The following CCNE2 variants were observed in gnomAD, a reference collection of about 807,000 sequenced individuals.
CCNE2 encodes cyclin E2.
CCNE2 carries 18 observed loss-of-function variants against 56.8 expected under a neutral mutation model. The ratio of observed to expected loss-of-function variants is 0.32; its 90% CI spans 0.22 to 0.47. CCNE2 has a LOEUF of 0.47. Among genes scored for constraint, CCNE2 ranks in the 20% least tolerant of loss-of-function variants. The pLI is 1.00. For missense variants in CCNE2, 371 were observed against 467.1 expected (o/e 0.79, Z 1.90); for synonymous variants, 139 against 149.2 (o/e 0.93, Z 0.50).
intron 4 of CCNE2, 38 bp from the exon 5 acceptor site, chr8:94,893,007 G>A: frequency 6.7e-7 from 1 of 1,495,190 alleles, no homozygotes; most frequent in Non-Finnish European, 8.9e-7. Context: ...ATTTGTGCAA[G>A]GAAAACCTTA....
intron 7 of CCNE2, among the ~76,000 whole-genome samples, chr8:94,887,225 G>T (rs1817069876): frequency 6.6e-6 from 1 of 152,200 alleles, no homozygotes; most frequent in African/African-American, 2.4e-5. Context: ...TATTAGGCTG[G>T]CCGGGTGCGG....
intron 1 of CCNE2, 142 bp from the exon 2 acceptor site, chr8:94,894,389 A>G (rs931939058): frequency 4.2e-6 from 3 of 712,676 alleles, no homozygotes; most frequent in African/African-American, 3.5e-5. Context: ...CTTCTGTGCT[A>G]TGTTAGCTAG....
intron 1 of CCNE2, 101 bp downstream of exon 1, chr8:94,895,076 C>T (rs1404786652): frequency 1.6e-6 from 1 of 615,104 alleles, no homozygotes; most frequent in African/African-American, 2.0e-5. Flanking sequence ...AGTTCTCAGC[C>T]CTCCCGATTT....
rs1406540663 is a variant in CCNE2 at position 94,885,275 on chromosome 8, G to T, written c.697-74C>A. On this transcript the variant is annotated intron_variant, in intron 8 of 11. Transcript: ENST00000308108. ...ACCACATTATACAGCAGAGCTTAGA[G>T]GTTAAGTACATTCCCCATCCAACCA... is the stretch of plus-strand genomic sequence containing the variant. 2.9e-6 allele frequency: 4 copies of T among 1,389,930 alleles called. No individual in the cohort carries two copies. In the Admixed American group the frequency reaches 5.3e-5, roughly 18 times the overall value. The allele number at this position is 1,389,930 out of a possible 1,614,324, so 86.1% of individuals were successfully genotyped here. A position where few individuals can be genotyped will look rare whatever the true frequency, so the allele number is the denominator to read the frequency against.
rs368485207 is a variant in CCNE2 at position 94,881,097 on chromosome 8, T to A, written c.*535A>T. The A allele has an allele frequency of 1.3e-5, 5 of 397,260 alleles. No homozygotes were observed. The highest frequency in any genetic ancestry group is 1.4e-4 in the South Asian group (1 of 7,186). 24.6% of individuals were successfully genotyped at this position (397,260 alleles called of 1,614,324 possible). A position where few individuals can be genotyped will look rare whatever the true frequency, so the allele number is the denominator to read the frequency against. On this transcript the variant is annotated 3_prime_UTR_variant, in exon 12 of 12. Coordinates refer to ENST00000308108, the MANE Select transcript of CCNE2 (RefSeq NM_057749.3). ...GTAGAAATTCAAGTTTTATAATAGC[T>A]TGCTATAGCAGCTATAGATAAATTA...
chr8:94,890,565 GA>G lies in CCNE2; in HGVS notation c.318-16del, dbSNP rs770729021. 7 of 1,243,980 alleles carry G rather than the reference GA, an allele frequency of 5.6e-6. No homozygotes were observed. Among genetic ancestry groups the G allele is most frequent in the South Asian group, 4.6e-5 (3 of 65,474 alleles). The allele number at this position is 1,243,980 out of a possible 1,614,324, so 77.1% of individuals were successfully genotyped here. On this transcript the variant is annotated splice_polypyrimidine_tract_variant and intron_variant, in intron 5 of 11. Transcript: ENST00000308108. ...AACATCCCCAGCTATGGAAAGAGAG[GA>G]AAAAAACCATATATATATATATATA...
chr8:94,883,693 C>A, intron 9 of CCNE2: 1 of 248,024 alleles, frequency 4.0e-6, no homozygotes, highest in Non-Finnish European at 8.6e-6. Context: ...AGAAAGATAC[C>A]TTAGAATGCA....
chr8:94,890,599 T>C, intron 5 of CCNE2, 49 bp from the exon 6 acceptor site: 1 of 600,980 alleles, frequency 1.7e-6, no homozygotes, highest in East Asian at 5.9e-5. Context: ...ATATTTTTTT[T>C]TTTTTTTTTT....
At chr8:94,885,690 T>C in intron 7 of CCNE2, 132 bp from the exon 8 acceptor site, 1 of 487,256 alleles carries the variant, frequency 2.1e-6, no homozygotes. Context: ...TTCATTTTCT[T>C]GGAGAAATAA....
upstream of CCNE2, among the ~76,000 whole-genome samples, chr8:94,896,285 A>G (rs1817557074): frequency 6.7e-6 from 1 of 148,154 alleles, no homozygotes. Context: ...CGCCGCCGCC[A>G]GCGCGCCCTG....
intron 6 of CCNE2, 96 bp downstream of exon 6, chr8:94,890,319 A>G: frequency 9.8e-7 from 1 of 1,022,988 alleles, no homozygotes; most frequent in East Asian, 3.0e-5. Context: ...CCTGGGGATG[A>G]ACAATAAACT....
At chr8:94,882,579 CTG>C (rs1269058681) in intron 10 of CCNE2, among the ~76,000 whole-genome samples, 200 bp downstream of exon 10, 2 of 152,190 alleles carry the variant, frequency 1.3e-5, no homozygotes, top group African/African-American at 2.4e-5. Flanking sequence ...TTCATTTCAA[CTG>C]TATTTAAATT....
chr8:94,885,568 G>T lies in CCNE2; in HGVS notation c.601-10C>A. 1 of 1,522,716 alleles carries T rather than the reference G, an allele frequency of 6.6e-7. No homozygotes were observed. The highest frequency in any genetic ancestry group is 1.2e-5 in the South Asian group (1 of 85,996). The allele number at this position is 1,522,716 out of a possible 1,614,324, so 94.3% of individuals were successfully genotyped here. On this transcript the variant is annotated splice_polypyrimidine_tract_variant and intron_variant, in intron 7 of 11. Transcript: ENST00000308108. ...TAGGAGCATAGATTTCCTTTAAATTGTAATATTTTTATTGAGTACAATTGA... is the reference window on the plus strand; with the variant it reads ...TAGGAGCATAGATTTCCTTTAAATTTTAATATTTTTATTGAGTACAATTGA...
At chr8:94,894,393 T>C (rs1817378582) in intron 1 of CCNE2, 146 bp from the exon 2 acceptor site, 3 of 697,738 alleles carry the variant, frequency 4.3e-6, no homozygotes, top group Non-Finnish European at 7.4e-6. Flanking sequence ...TGTGCTATGT[T>C]AGCTAGCTCA....
chr8:94,888,803 G>C (rs1473257374), intron 6 of CCNE2, among the ~76,000 whole-genome samples: 2 of 152,174 alleles, frequency 1.3e-5, no homozygotes, highest in African/African-American at 4.8e-5. Context: ...TGGCATTACA[G>C]GTATGAGCCA....
Position 94,882,182 on chromosome 8 carries a change from T to C in CCNE2, c.1051A>G (p.Met351Val), listed in dbSNP as rs1237414464. 3 of 1,613,464 alleles carry C rather than the reference T, an allele frequency of 1.9e-6. No individual in the cohort carries two copies. Among genetic ancestry groups the C allele is most frequent in the African/African-American group, 1.3e-5 (1 of 74,910 alleles). ...GTCTGGATATTATGTCTGTCTTCCATAGGAATCTTCTTAAAAGTCTTCAGC... is the reference window on the plus strand; with the variant it reads ...GTCTGGATATTATGTCTGTCTTCCACAGGAATCTTCTTAAAAGTCTTCAGC... ...VKLKTFKKIP[M>V]EDRHNIQTHT... is the part of the protein sequence containing the mutation. The change falls in exon 11 of 12, where the codon ATG becomes GTG. Residue 351 changes from methionine to valine, a missense_variant. Physicochemically the swap from Met to Val is conservative, Grantham distance 21. Coordinates refer to ENST00000308108, the MANE Select transcript of CCNE2 (RefSeq NM_057749.3).
At chr8:94,892,139 G>GA (rs1000142631) in intron 5 of CCNE2, 57 of 548,732 alleles carry the variant, frequency 1.0e-4, no homozygotes, top group Middle Eastern at 5.8e-4. Flanking sequence ...AATTAAAAGT[G>GA]AAAAAAAATG....
In CCNE2 at chr8:94,884,958, A is replaced by G. The variant is rs986063210; in HGVS notation, c.831+109T>C. On this transcript the variant is annotated intron_variant, in intron 9 of 11. Coordinates refer to ENST00000308108, the MANE Select transcript of CCNE2 (RefSeq NM_057749.3). Reference sequence around the variant, plus strand: ...GCGTCAAAAGTTTTGTTCTAGAATTAAGGAGTGAAGTCAATATGTCATTTT... The same window carrying G: ...GCGTCAAAAGTTTTGTTCTAGAATTGAGGAGTGAAGTCAATATGTCATTTT... 4.4e-6 allele frequency: 4 copies of G among 914,026 alleles called. No homozygotes were observed. The African/African-American group carries it at 6.7e-5, about 15-fold the overall frequency. 56.6% of individuals were successfully genotyped at this position (914,026 alleles called of 1,614,324 possible).
intron 9 of CCNE2, among the ~76,000 whole-genome samples, chr8:94,883,141 T>G (rs1816893823): frequency 6.6e-6 from 1 of 152,008 alleles, no homozygotes; most frequent in African/African-American, 2.4e-5. Context: ...CTGGGCTTGG[T>G]GGCACGCGCC....
Sources: allele counts gnomAD v4.1 joint callset (sites outside exome capture counted in the v4.1 genomes callset), GRCh38; gene constraint gnomAD v4.1.1; transcripts MANE v1.5; gene names NCBI Gene and HGNC (gene_info 2026-07-23, HGNC 2026-07-21).